The following TASP1 variants were observed in gnomAD, a reference collection of about 807,000 sequenced individuals.
TASP1 encodes the protein threonine aspartase 1.
TASP1 carries 16 observed loss-of-function variants against 56.6 expected under a neutral mutation model. The ratio of observed to expected loss-of-function variants is 0.28; its 90% CI spans 0.19 to 0.43. The LOEUF (loss-of-function observed/expected upper bound fraction) is 0.43. Ranked by LOEUF, TASP1 falls within the 20% of genes least tolerant of loss-of-function variation. The pLI, the probability that TASP1 is intolerant of heterozygous loss-of-function variation, is 1.00. For synonymous variants in TASP1, 179 were observed against 184.2 expected (o/e 0.97, Z 0.23); for missense variants, 393 against 511.6 (o/e 0.77, Z 2.24).
the TASP1 span, among the ~76,000 whole-genome samples, chr20:13,332,625 T>C: frequency 6.6e-6 from 1 of 152,230 alleles, no homozygotes; most frequent in African/African-American, 2.4e-5. Flanking sequence ...TACTTATTCA[T>C]ATACTCAACT....
the TASP1 span, among the ~76,000 whole-genome samples, chr20:13,132,253 T>G: frequency 6.8e-6 from 1 of 146,224 alleles, no homozygotes. Context: ...CTCGGCTCAC[T>G]GCAACCTCCA....
intron 10 of TASP1, among the ~76,000 whole-genome samples, chr20:13,486,082 G>C (rs2043309931): frequency 6.6e-6 from 1 of 152,022 alleles, no homozygotes; most frequent in Non-Finnish European, 1.5e-5. Context: ...CTTTAACAAA[G>C]AGCCATGAAA....
intron 1 of TASP1, among the ~76,000 whole-genome samples, chr20:13,638,277 TC>T (rs1170650470): frequency 6.6e-6 from 1 of 151,766 alleles, no homozygotes; most frequent in Non-Finnish European, 1.5e-5. Flanking sequence ...TTCCTTCCCC[TC>T]CCCTACAGAA....
intron 11 of TASP1, among the ~76,000 whole-genome samples, chr20:13,461,433 CAT>C (rs147091634): frequency 6.6e-6 from 1 of 152,294 alleles, no homozygotes; most frequent in Non-Finnish European, 1.5e-5. Context: ...TGGCCTGAAA[CAT>C]AGTGTATGCA....
the TASP1 span, among the ~76,000 whole-genome samples, chr20:13,305,716 G>C: frequency 2.6e-5 from 4 of 152,230 alleles, no homozygotes; most frequent in African/African-American, 9.6e-5. Flanking sequence ...TACCATATGA[G>C]AGTAGAAGGA....
chr20:13,201,351 T>A, the TASP1 span, among the ~76,000 whole-genome samples: 3 of 152,040 alleles, frequency 2.0e-5, no homozygotes, highest in Non-Finnish European at 4.4e-5. Context: ...AGATGCGCTT[T>A]GGTGGTAGAA....
intron 13 of TASP1, chr20:13,393,791 A>C: frequency 1.4e-5 from 8 of 580,000 alleles, no homozygotes; most frequent in Middle Eastern, 4.9e-4. Context: ...CCTCCTCACA[A>C]TGTCCATGCA....
chr20:13,455,066 A>G, intron 11 of TASP1, among the ~76,000 whole-genome samples: 1 of 152,180 alleles, frequency 6.6e-6, no homozygotes, highest in Non-Finnish European at 1.5e-5. Context: ...TAATAAATAA[A>G]ACAAAAATAA....
chr20:13,299,619 C>T, the TASP1 span: 1 of 722,446 alleles, frequency 1.4e-6, no homozygotes, highest in South Asian at 2.2e-5. The surrounding 1 kb of genome is among the most constrained non-coding windows in gnomAD (Gnocchi z 5.8). Flanking sequence ...GCGTGTGCCA[C>T]GCCCAGGGGA....
the TASP1 span, among the ~76,000 whole-genome samples, chr20:13,236,487 A>G: frequency 6.6e-6 from 1 of 151,988 alleles, no homozygotes; most frequent in Non-Finnish European, 1.5e-5. Flanking sequence ...GCCCCTCCAA[A>G]TTTCATGTCC....
chr20:13,574,785 T>G (rs933505192), intron 6 of TASP1, among the ~76,000 whole-genome samples: 1 of 151,964 alleles, frequency 6.6e-6, no homozygotes, highest in African/African-American at 2.4e-5. Flanking sequence ...TAGAAACTAT[T>G]CAAAATGAAA....
At chr20:13,335,177 A>C in the TASP1 span, among the ~76,000 whole-genome samples, 43 of 152,310 alleles carry the variant, frequency 2.8e-4, no homozygotes, top group Middle Eastern at 3.4e-3. Flanking sequence ...TCCTGGAAGA[A>C]AGTTGAAGGT....
intron 12 of TASP1, among the ~76,000 whole-genome samples, chr20:13,421,612 AAAT>A (rs1343105317): frequency 2.0e-5 from 3 of 152,174 alleles, no homozygotes; most frequent in African/African-American, 2.4e-5. Flanking sequence ...ACTCATACTA[AAAT>A]AAACGCAAAT....
At chr20:13,340,651 T>A in the TASP1 span, among the ~76,000 whole-genome samples, 151 of 152,322 alleles carry the variant, frequency 9.9e-4, 1 homozygote, top group Non-Finnish European at 1.8e-3. Context: ...TAAATATTTA[T>A]CATGTTTTAG....
intron 13 of TASP1, among the ~76,000 whole-genome samples, chr20:13,409,343 TA>T (rs2042020711): frequency 1.3e-5 from 2 of 152,044 alleles, no homozygotes; most frequent in Non-Finnish European, 2.9e-5. Context: ...AGAAGGATGT[TA>T]AAGTTTCCAA....
chr20:13,482,376 C>T (rs556076425), intron 11 of TASP1, among the ~76,000 whole-genome samples: 2 of 152,150 alleles, frequency 1.3e-5, no homozygotes, highest in East Asian at 3.9e-4. Flanking sequence ...CTTAGGACAG[C>T]TTTGGCTATT....
intron 11 of TASP1, among the ~76,000 whole-genome samples, chr20:13,466,509 G>A (rs962538643): frequency 1.3e-5 from 2 of 152,158 alleles, no homozygotes; most frequent in African/African-American, 4.8e-5. Context: ...CACTTTGGGA[G>A]GCCAAGGCAG....
intron 12 of TASP1, among the ~76,000 whole-genome samples, chr20:13,419,567 C>A (rs1320232754): frequency 6.6e-6 from 1 of 152,166 alleles, no homozygotes; most frequent in Non-Finnish European, 1.5e-5. Flanking sequence ...ATAAAAATTT[C>A]AAAAGTCCCT....
chr20:13,453,996 T>A (rs80059274), intron 11 of TASP1, among the ~76,000 whole-genome samples: 1 of 150,592 alleles, frequency 6.6e-6, no homozygotes, highest in African/African-American at 2.4e-5. Context: ...GAAAGAAGGA[T>A]GTTCCAGATG....
Sources: allele counts gnomAD v4.1 joint callset (sites outside exome capture counted in the v4.1 genomes callset), GRCh38; gene constraint gnomAD v4.1.1; non-coding constraint Gnocchi (gnomAD v3.1); transcripts MANE v1.5; gene names NCBI Gene and HGNC (gene_info 2026-07-23, HGNC 2026-07-21).